B4GALT1: variants seen among roughly 807,000 people sequenced by gnomAD.
The protein encoded by B4GALT1 is beta-1,4-galactosyltransferase 1.
B4GALT1 carries 16 observed loss-of-function variants against 34.9 expected under a neutral mutation model. That is an observed-to-expected ratio of 0.46 (90% CI 0.31 to 0.70). B4GALT1 has a LOEUF of 0.70. B4GALT1 is among the 30% of genes least tolerant of loss of function. B4GALT1 has a pLI of 0.05. For synonymous variants in B4GALT1, 221 were observed against 218.1 expected, an observed-to-expected ratio of 1.01 and a Z score of -0.12; for missense variants, 445 against 530.5, an observed-to-expected ratio of 0.84 and a Z score of 1.58.
At chr9:33,135,056 G>C in intron 2 of B4GALT1, 133 bp downstream of exon 2, 1 of 901,722 alleles carries the variant, frequency 1.1e-6, no homozygotes, top group South Asian at 1.4e-5. Flanking sequence ...GTGGTGGCTG[G>C]GGGGCTGGTT....
the B4GALT1 span, among the ~76,000 whole-genome samples, chr9:33,180,421 A>G: frequency 4.6e-5 from 7 of 152,158 alleles, no homozygotes; most frequent in Non-Finnish European, 8.8e-5. Context: ...TCACTTTTTT[A>G]TGTTCATGTT....
chr9:33,181,461 A>ACACACAG, the B4GALT1 span, among the ~76,000 whole-genome samples: 2 of 65,176 alleles, frequency 3.1e-5, no homozygotes, highest in Admixed American at 1.4e-4. Flanking sequence ...CACACACACA[A>ACACACAG]ACTATTCTTA....
At chr9:33,182,825 T>A in the B4GALT1 span, among the ~76,000 whole-genome samples, 1 of 152,236 alleles carries the variant, frequency 6.6e-6, no homozygotes, top group Non-Finnish European at 1.5e-5. Context: ...CAGCCATTCC[T>A]TATAATTTTT....
chr9:33,142,272 C>T (rs978979550), intron 1 of B4GALT1, among the ~76,000 whole-genome samples: 12 of 152,174 alleles, frequency 7.9e-5, no homozygotes, highest in South Asian at 2.1e-4. Context: ...CGAGCCACCG[C>T]GCTCGGCTGG....
intron 1 of B4GALT1, among the ~76,000 whole-genome samples, chr9:33,156,422 C>T (rs568816163): frequency 6.7e-4 from 102 of 152,336 alleles, no homozygotes; most frequent in Admixed American, 1.8e-3. Context: ...GTGTGAGCCA[C>T]TGTGCCCGGC....
At chr9:33,155,833 G>A (rs896663896) in intron 1 of B4GALT1, among the ~76,000 whole-genome samples, 3 of 152,174 alleles carry the variant, frequency 2.0e-5, no homozygotes, top group African/African-American at 7.2e-5. Flanking sequence ...AAGACATTCA[G>A]AGTACTGATA....
chr9:33,174,832 C>T, the B4GALT1 span, among the ~76,000 whole-genome samples: 2 of 147,908 alleles, frequency 1.4e-5, no homozygotes, highest in East Asian at 2.0e-4. Flanking sequence ...TGGTGTGCAC[C>T]TGTAATCCCA....
In B4GALT1 at chr9:33,166,979, G is replaced by C. The variant is rs774180059; in HGVS notation, c.191C>G (p.Ser64Trp). The C allele has an allele frequency of 5.0e-6, 8 of 1,586,068 alleles. No homozygotes were observed. In the South Asian group the frequency reaches 6.7e-5, roughly 13 times the overall value. The change falls in exon 1 of 6, where the codon TCG becomes TGG. Residue 64 changes from serine to tryptophan, a missense_variant. Ser to Trp is a radical substitution (Grantham distance 177, BLOSUM62 -3). Around this residue, in one of 3 missense-constraint regions of B4GALT1, gnomAD observed 349 missense variants for 395.5 expected, o/e 0.88. Coordinates refer to ENST00000379731, the MANE Select transcript of B4GALT1 (RefSeq NM_001497.4). The stretch of plus-strand genomic sequence containing the variant: ...CTGCCCGATGGCGGCGGCACTGTTC[G>C]AGCCGCCCTGCAGCGGTGTGGAGAC... ...VGVSTPLQGGSNSAAAIGQSS... is the reference protein window; with the variant it reads ...VGVSTPLQGGWNSAAAIGQSS...
At position 33,113,338 on chromosome 9, in the gene B4GALT1, A is replaced by G; in HGVS notation, c.*116T>C. The G allele has an allele frequency of 6.7e-7, 1 of 1,495,618 alleles. No homozygotes were observed. The highest frequency in any genetic ancestry group is 9.3e-7 in the Non-Finnish European group (1 of 1,074,698). 92.6% of individuals were successfully genotyped at this position (1,495,618 alleles called of 1,614,324 possible). A position where few individuals can be genotyped will look rare whatever the true frequency, so the allele number is the denominator to read the frequency against. ...TGGAAAGCCATCTGAATGATGAGCGAAGGGGACCTGTCACTCAGACTGGTA... is the reference window on the plus strand; with the variant it reads ...TGGAAAGCCATCTGAATGATGAGCGGAGGGGACCTGTCACTCAGACTGGTA... On this transcript the variant is annotated 3_prime_UTR_variant, in exon 6 of 6. Coordinates refer to ENST00000379731, the MANE Select transcript of B4GALT1 (RefSeq NM_001497.4).
intron 2 of B4GALT1, among the ~76,000 whole-genome samples, chr9:33,129,824 C>T (rs926458520): frequency 6.6e-6 from 1 of 151,976 alleles, no homozygotes; most frequent in African/African-American, 2.4e-5. Context: ...CAGGGGACAG[C>T]ATAAGCAAAG....
rs59923359 is a variant in B4GALT1 at position 33,138,277 on chromosome 9, T to C, written c.413-2853A>G. Among the ~76,000 whole-genome samples, 1,433 of 152,260 alleles carry C rather than the reference T, an allele frequency of 9.4e-3. 21 individuals are homozygous for C. Among genetic ancestry groups the C allele is most frequent in the African/African-American group, 0.032 (1,349 of 41,544 alleles). On this transcript the variant is annotated intron_variant, in intron 1 of 5. Coordinates refer to ENST00000379731, the MANE Select transcript of B4GALT1 (RefSeq NM_001497.4). ...CCAGCTCCACCAGTGACTTTCCAGATGATCTTTGGTATCCTGAGAGTGGAT... is the reference window on the plus strand; with the variant it reads ...CCAGCTCCACCAGTGACTTTCCAGACGATCTTTGGTATCCTGAGAGTGGAT...
At chr9:33,157,632 C>T (rs1840615176) in intron 1 of B4GALT1, among the ~76,000 whole-genome samples, 2 of 151,826 alleles carry the variant, frequency 1.3e-5, no homozygotes, top group Admixed American at 1.3e-4. Flanking sequence ...ATAGCAAGCT[C>T]TGTTACAGAA....
rs1564033760 is a variant in B4GALT1 at position 33,111,276 on chromosome 9, A to AAAAAAAACAAC, written c.*2177_*2178insGTTGTTTTTTT. 2 of 105,932 alleles carry AAAAAAAACAAC rather than the reference A, an allele frequency of 1.9e-5. No individual in the cohort carries two copies. The highest frequency in any genetic ancestry group is 4.1e-5 in the Non-Finnish European group (2 of 49,228). 6.6% of individuals were successfully genotyped at this position (105,932 alleles called of 1,614,324 possible). A position where few individuals can be genotyped will look rare whatever the true frequency, so the allele number is the denominator to read the frequency against. ...AAAAAAAAAAAAAAAAAAAAAAAAAAAACAACAAGAAAAGGTAGAGTTTGG... is the reference window on the plus strand; with the variant it reads ...AAAAAAAAAAAAAAAAAAAAAAAAAAAAAAAAACAACAACAACAAGAAAAGGTAGAGTTTGG... On this transcript the variant is annotated 3_prime_UTR_variant, in exon 6 of 6. Coordinates refer to ENST00000379731, the MANE Select transcript of B4GALT1 (RefSeq NM_001497.4).
intron 1 of B4GALT1, among the ~76,000 whole-genome samples, chr9:33,139,990 G>A (rs1840325791): frequency 6.6e-6 from 1 of 152,268 alleles, no homozygotes; most frequent in Non-Finnish European, 1.5e-5. Flanking sequence ...GGGCCTCTCG[G>A]CTGGGAGTCC....
Position 33,135,418 on chromosome 9 carries a change from G to C in B4GALT1, c.419C>G (p.Pro140Arg). ...AGGCATGTTAAACTCAATCAGCATG[G>C]GGCCCACTAGAGAGGTGGAGGGAGG... ...CPEESPLLVGPMLIEFNMPVD... is the reference protein window; with the variant it reads ...CPEESPLLVGRMLIEFNMPVD... Residue 140 changes from proline to arginine, a missense_variant, in exon 2 of 6, where the codon CCC (proline) becomes CGC (arginine). Physicochemically the swap from Pro to Arg is moderately radical, Grantham distance 103. Coordinates refer to ENST00000379731, the MANE Select transcript of B4GALT1 (RefSeq NM_001497.4). The C allele has an allele frequency of 6.2e-7, 1 of 1,614,026 alleles. No individual in the cohort carries two copies. The highest frequency in any genetic ancestry group is 8.5e-7 in the Non-Finnish European group (1 of 1,179,982).
chr9:33,167,337 G>C (rs964961743), upstream of B4GALT1: 12 of 901,486 alleles, frequency 1.3e-5, no homozygotes, highest in African/African-American at 8.7e-5. Context: ...ACCTGGGAGC[G>C]GCGAGAAGCC....
At chr9:33,181,423 TACACACAC>T in the B4GALT1 span, among the ~76,000 whole-genome samples, 11 of 137,148 alleles carry the variant, frequency 8.0e-5, no homozygotes, top group East Asian at 6.9e-4. Context: ...GACCCTGTCT[TACACACAC>T]ACACACACAC....
chr9:33,140,945 G>A lies in B4GALT1; in HGVS notation c.413-5521C>T, dbSNP rs188308128. ...CGTGGCTCACCCGTCATTCTGGGAAGAGCACAAGCTCTCTAAGTCTGCAAG... is the reference window on the plus strand; with the variant it reads ...CGTGGCTCACCCGTCATTCTGGGAAAAGCACAAGCTCTCTAAGTCTGCAAG... On this transcript the variant is annotated intron_variant, in intron 1 of 5. Coordinates refer to ENST00000379731, the MANE Select transcript of B4GALT1 (RefSeq NM_001497.4). Among the ~76,000 whole-genome samples, 27 of 152,374 alleles carry A rather than the reference G, an allele frequency of 1.8e-4. No individual in the cohort carries two copies. The East Asian group carries it at 5.2e-3, about 29-fold the overall frequency.
At chr9:33,169,644 T>C (rs1023376298), upstream of B4GALT1, among the ~76,000 whole-genome samples, 3 of 150,956 alleles carry the variant, frequency 2.0e-5, no homozygotes, top group Non-Finnish European at 1.5e-5. Context: ...CCTCAGCCTC[T>C]TGAGTAGCTG....
Sources: allele counts gnomAD v4.1 joint callset (sites outside exome capture counted in the v4.1 genomes callset), GRCh38; gene constraint gnomAD v4.1.1; regional missense constraint gnomAD v4.1.1; transcripts MANE v1.5; gene names NCBI Gene and HGNC (gene_info 2026-07-23, HGNC 2026-07-21).